POF1B: variants seen among roughly 807,000 people sequenced by gnomAD.
POF1B encodes the protein protein POF1B.
A neutral mutation model predicts 55.3 loss-of-function variants in POF1B; 53 were observed. That is an observed-to-expected ratio of 0.96 (90% CI 0.77 to 1.20). The LOEUF (loss-of-function observed/expected upper bound fraction) is 1.20. POF1B is among the 50% of genes most tolerant of loss of function. The pLI, the probability that POF1B is intolerant of heterozygous loss-of-function variation, is 0.00. For missense variants in POF1B, 478 were observed against 420.5 expected (o/e 1.14, Z -1.20); for synonymous variants, 188 against 148.3 (o/e 1.27, Z -1.95).
At chrX:85,354,459 C>A (rs1258652139) in intron 4 of POF1B, among the ~76,000 whole-genome samples, 1 of 110,191 alleles carries the variant, frequency 9.1e-6, no homozygotes. Context: ...ACAAATTTAG[C>A]AAAAGCATGA....
chrX:85,350,264 A>G (rs1237322418), intron 5 of POF1B, among the ~76,000 whole-genome samples: 1 of 104,947 alleles, frequency 9.5e-6, no homozygotes, highest in Non-Finnish European at 1.9e-5. Context: ...ATTCCCACCT[A>G]TGAGTGAGAA....
intron 6 of POF1B, among the ~76,000 whole-genome samples, chrX:85,334,950 A>T (rs1254758644): frequency 9.0e-6 from 1 of 111,699 alleles, no homozygotes; most frequent in Non-Finnish European, 1.9e-5. Flanking sequence ...AGCTATCTAT[A>T]TTCTCTTGCC....
At chrX:85,373,297 C>A (rs928970749) in intron 2 of POF1B, among the ~76,000 whole-genome samples, 1 of 111,658 alleles carries the variant, frequency 9.0e-6, no homozygotes, top group Non-Finnish European at 1.9e-5. Flanking sequence ...ACTAAATAGG[C>A]AAGTTATTTT....
intron 3 of POF1B, among the ~76,000 whole-genome samples, chrX:85,360,949 G>A (rs979620833): frequency 3.6e-4 from 40 of 111,231 alleles, no homozygotes; most frequent in African/African-American, 1.1e-3. Context: ...TCTCATTGTG[G>A]TTTTGACTTG....
At chrX:85,328,648 A>G (rs1932929029) in intron 7 of POF1B, among the ~76,000 whole-genome samples, 1 of 111,051 alleles carries the variant, frequency 9.0e-6, no homozygotes, top group African/African-American at 3.3e-5. Flanking sequence ...TTGATCATGT[A>G]TCAGAATCCT....
In POF1B at chrX:85,358,393, T is replaced by C. The variant is rs148415790; in HGVS notation, c.438+1157A>G. On this transcript the variant is annotated intron_variant, in intron 4 of 16. Coordinates refer to ENST00000262753, the MANE Select transcript of POF1B (RefSeq NM_024921.4). ...TGAGAAGAGCTGTATGCTCCTTTAATTGGGGAAACATGCCTTATTTCCCTG... is the reference window on the plus strand; with the variant it reads ...TGAGAAGAGCTGTATGCTCCTTTAACTGGGGAAACATGCCTTATTTCCCTG... 6.2e-3 allele frequency among the ~76,000 whole-genome samples: 686 copies of C among 111,292 alleles called. 9 individuals carry two copies. Among genetic ancestry groups the C allele is most frequent in the African/African-American group, 0.021 (658 of 30,699 alleles).
At position 85,303,456 on chromosome X, in the gene POF1B, G is replaced by A; in HGVS notation, c.1599C>T (p.Ser533=). The A allele has an allele frequency of 3.4e-6, 4 of 1,191,812 alleles. No individual in the cohort carries two copies. The highest frequency in any genetic ancestry group is 4.5e-6 in the Non-Finnish European group (4 of 880,893). ...ELSKLRQEIY[S]SHNQPSTGGR... is the part of the protein sequence containing the mutation. ...CACCAGTGGAGGGTTGGTTATGAGA[G>A]GAATATATTTCTTGCCGCAACTTGG... Residue 533 remains serine (S), a synonymous_variant, in exon 15 of 17, where the codon TCC becomes TCT. Coordinates refer to ENST00000262753, the MANE Select transcript of POF1B (RefSeq NM_024921.4).
chrX:85,280,537 T>A (rs1931873197), intron 16 of POF1B, among the ~76,000 whole-genome samples: 2 of 111,520 alleles, frequency 1.8e-5, no homozygotes, highest in African/African-American at 3.2e-5. Context: ...TCTCTCCTTA[T>A]GCTTCCTTTT....
intron 7 of POF1B, among the ~76,000 whole-genome samples, chrX:85,316,516 G>A (rs1451278991): frequency 9.0e-6 from 1 of 110,892 alleles, no homozygotes; most frequent in Admixed American, 9.6e-5. Flanking sequence ...CAAGACATAG[G>A]CCTTCATTTT....
chrX:85,293,847 G>A (rs12013774), intron 15 of POF1B, among the ~76,000 whole-genome samples: 2,894 of 109,890 alleles, frequency 0.026, 100 homozygotes, highest in African/African-American at 0.09. Context: ...GGTGGTGCAT[G>A]CCTGTAATCC....
At position 85,318,410 on chromosome X, in the gene POF1B, ATTGCTTTTGGCATC is replaced by A. The variant is rs1309641977; in HGVS notation, c.855-2690_855-2677del. Among the ~76,000 whole-genome samples, 3 of 111,531 alleles carry A rather than the reference ATTGCTTTTGGCATC, an allele frequency of 2.7e-5. No individual in the cohort carries two copies. The East Asian group carries it at 8.4e-4, about 31-fold the overall frequency. The stretch of plus-strand genomic sequence containing the variant: ...TTTGTCCATTTTTGTTTTTGTTGTA[ATTGCTTTTGGCATC>A]TTTGTCATGAAGTCTTTGTCAGGTC... On this transcript the variant is annotated intron_variant, in intron 7 of 16. Transcript: ENST00000262753.
Position 85,330,690 on chromosome X carries a change from G to A in POF1B, c.854+259C>T, listed in dbSNP as rs745612130. ...CTGTTACCTGGGGGGAGGGAGGAGG[G>A]ATAGCATTAGGAGATAGACCTAATG... On this transcript the variant is annotated intron_variant, in intron 7 of 16. Coordinates refer to ENST00000262753, the MANE Select transcript of POF1B (RefSeq NM_024921.4). Among the ~76,000 whole-genome samples, 11 of 111,268 alleles carry A rather than the reference G, an allele frequency of 9.9e-5. No individual in the cohort carries two copies. The East Asian group carries it at 3.1e-3, about 31-fold the overall frequency.
chrX:85,342,380 T>C (rs1398761306), intron 6 of POF1B, among the ~76,000 whole-genome samples: 1 of 111,843 alleles, frequency 8.9e-6, no homozygotes, highest in Non-Finnish European at 1.9e-5. Context: ...TAATTTCTTA[T>C]ATTGGTGATT....
intron 6 of POF1B, among the ~76,000 whole-genome samples, chrX:85,331,627 G>C (rs780363579): frequency 3.5e-4 from 39 of 110,578 alleles, no homozygotes; most frequent in Non-Finnish European, 6.1e-4. Context: ...TGAAAATATA[G>C]AGTAAATTTC....
intron 7 of POF1B, among the ~76,000 whole-genome samples, chrX:85,318,077 G>A (rs1422206599): frequency 9.0e-6 from 1 of 111,499 alleles, no homozygotes; most frequent in Non-Finnish European, 1.9e-5. Context: ...TTAAAAGGTA[G>A]AGGGTGGGAG....
chrX:85,365,954 T>C (rs1933713246), intron 3 of POF1B, among the ~76,000 whole-genome samples: 1 of 111,123 alleles, frequency 9.0e-6, no homozygotes, highest in Non-Finnish European at 1.9e-5. Context: ...GGTGAGGGGT[T>C]CCATGGCAGG....
chrX:85,329,673 A>C (rs906827043), intron 7 of POF1B, among the ~76,000 whole-genome samples: 12 of 104,491 alleles, frequency 1.1e-4, no homozygotes, highest in African/African-American at 4.2e-4. Flanking sequence ...AGAGAGTTAG[A>C]GTAATCCAGA....
chrX:85,331,006 C>T lies in POF1B; in HGVS notation c.797G>A (p.Arg266His), dbSNP rs769700681. The change falls in exon 7 of 17, where the codon CGT (arginine) becomes CAT (histidine). Residue 266 changes from arginine (R) to histidine (H), a missense_variant. Physicochemically the swap from Arg to His is conservative, Grantham distance 29 (BLOSUM62 0). Transcript: ENST00000262753. ...GCAGTGATATAGATCCGTATTCTTA[C>T]GGCTCAGATCAGCAAGCAACTCTCC... ...YFGELLADLS[R>H]KNTDLYHCLL... is the part of the protein sequence containing the mutation. The T allele has an allele frequency of 3.2e-5, 38 of 1,202,552 alleles. No individual in the cohort carries two copies. In the Middle Eastern group the frequency reaches 6.9e-4, roughly 22 times the overall value.
At chrX:85,337,693 A>C (rs1046047082) in intron 6 of POF1B, among the ~76,000 whole-genome samples, 1 of 111,957 alleles carries the variant, frequency 8.9e-6, no homozygotes, top group South Asian at 3.7e-4. Context: ...GAAATAAAGA[A>C]CTAATTTAAC....
Sources: gnomAD v4.1 joint callset for allele counts (sites outside exome capture counted in the v4.1 genomes callset) on GRCh38, gnomAD v4.1.1 for gene constraint, MANE v1.5 for transcripts, NCBI Gene and HGNC (gene_info 2026-07-23, HGNC 2026-07-21) for gene names.